The following RBBP9 variants were observed in gnomAD, a reference collection of about 807,000 sequenced individuals.
RBBP9 encodes serine hydrolase RBBP9.
A neutral mutation model predicts 24.2 loss-of-function variants in RBBP9; 20 were observed. That is an observed-to-expected ratio of 0.83 (90% CI 0.58 to 1.20). The LOEUF (loss-of-function observed/expected upper bound fraction) is 1.20, where lower values mean the gene tolerates loss of function less well. Among genes scored for constraint, RBBP9 ranks in the 50% most tolerant of loss-of-function variants. RBBP9 has a pLI of 0.00. For synonymous variants in RBBP9, 74 were observed against 84.6 expected (o/e 0.87, Z 0.69); for missense variants, 234 against 233.6 (o/e 1.00, Z -0.01).
chr20:18,490,186 T>TA (rs1207280808), intron 4 of RBBP9, among the ~76,000 whole-genome samples, 196 bp from the exon 5 acceptor site: 2 of 152,214 alleles, frequency 1.3e-5, no homozygotes, highest in African/African-American at 4.8e-5. Context: ...ATGGTTCAAC[T>TA]AAAACCAGGC....
chr20:18,496,107 C>T (rs1269315203), intron 1 of RBBP9, among the ~76,000 whole-genome samples: 1 of 152,220 alleles, frequency 6.6e-6, no homozygotes, highest in Non-Finnish European at 1.5e-5. Flanking sequence ...TGCATTTGTA[C>T]ACCCATATTT....
At chr20:18,495,772 A>T in intron 2 of RBBP9, 66 bp downstream of exon 2, 1 of 1,459,756 alleles carries the variant, frequency 6.9e-7, no homozygotes. Context: ...CTTGTTCTCT[A>T]CCACAAAAAT....
Position 18,487,210 on chromosome 20 carries a change from A to G in RBBP9, c.*2554T>C, listed in dbSNP as rs543835168. 128 of 152,330 alleles carry G rather than the reference A, an allele frequency of 8.4e-4. No individual in the cohort carries two copies. Among genetic ancestry groups the G allele is most frequent in the African/African-American group, 2.9e-3 (122 of 41,568 alleles). 9.4% of individuals were successfully genotyped at this position (152,330 alleles called of 1,614,324 possible). On this transcript the variant is annotated 3_prime_UTR_variant, in exon 5 of 5. Coordinates refer to ENST00000337227, the MANE Select transcript of RBBP9 (RefSeq NM_006606.3). ...CTAGTTTGACTGAACTGAATTTTCA[A>G]TTTTACAGCTAGCTGTGGTTACTGG...
rs13037472 is a variant in RBBP9 at position 18,488,296 on chromosome 20, C to A, written c.*1468G>T. ...AATTTTTTTTTTTAAGAGACAGGTTCTTCGCTCCATCACCCAGGATGGAGT... is the reference window on the plus strand; with the variant it reads ...AATTTTTTTTTTTAAGAGACAGGTTATTCGCTCCATCACCCAGGATGGAGT... On this transcript the variant is annotated 3_prime_UTR_variant, in exon 5 of 5. Coordinates refer to ENST00000337227, the MANE Select transcript of RBBP9 (RefSeq NM_006606.3). 6.6e-6 allele frequency: 1 copy of A among 151,520 alleles called. No individual in the cohort carries two copies. The highest frequency in any genetic ancestry group is 1.9e-4 in the East Asian group (1 of 5,174). The allele number at this position is 151,520 out of a possible 1,614,324, so 9.4% of individuals were successfully genotyped here.
At position 18,495,806 on chromosome 20, in the gene RBBP9, T is replaced by TTAAAACAA. The variant is rs760690479; in HGVS notation, c.142+31_142+32insTTGTTTTA. ...ATGGTAATATCAAAACCCAACAAGA[T>TTAAAACAA]GAGGCTATTTAAAAACAAGTTTAAA... On this transcript the variant is annotated intron_variant, in intron 2 of 4. Coordinates refer to ENST00000337227, the MANE Select transcript of RBBP9 (RefSeq NM_006606.3). 5.4e-5 allele frequency: 82 copies of TTAAAACAA among 1,529,762 alleles called. No individual in the cohort carries two copies. The East Asian group carries it at 1.5e-3, about 28-fold the overall frequency. The allele number at this position is 1,529,762 out of a possible 1,614,324, so 94.8% of individuals were successfully genotyped here.
chr20:18,489,712 A>G lies in RBBP9; in HGVS notation c.*52T>C, dbSNP rs1203586491. 1.6e-6 allele frequency: 2 copies of G among 1,216,696 alleles called. No homozygotes were observed. Among genetic ancestry groups the G allele is most frequent in the African/African-American group, 3.0e-5 (2 of 67,080 alleles). 75.4% of individuals were successfully genotyped at this position (1,216,696 alleles called of 1,614,324 possible). ...ATGTGTCTAGTAATCAGCTGATAGT[A>G]GATATTATTCTACTCCTATATTGGG... On this transcript the variant is annotated 3_prime_UTR_variant, in exon 5 of 5. Coordinates refer to ENST00000337227, the MANE Select transcript of RBBP9 (RefSeq NM_006606.3).
Position 18,495,869 on chromosome 20 carries a change from G to A in RBBP9, c.111C>T (p.Phe37=). Residue 37 remains phenylalanine (F), a synonymous_variant, in exon 2 of 5, where the codon TTC becomes TTT. Coordinates refer to ENST00000337227, the MANE Select transcript of RBBP9 (RefSeq NM_006606.3). ...CGGGCATGTTTTTAGCCAAACACTG[G>A]AAACCAGGTATCTATGATATGAGGG... ...VKKELEKIPG[F]QCLAKNMPDP... The A allele has an allele frequency of 6.4e-7, 1 of 1,561,896 alleles. No homozygotes were observed. Among genetic ancestry groups the A allele is most frequent in the Non-Finnish European group, 8.8e-7 (1 of 1,139,332 alleles).
intron 1 of RBBP9, among the ~76,000 whole-genome samples, chr20:18,496,814 G>GCT (rs2059888322): frequency 6.6e-6 from 1 of 152,136 alleles, no homozygotes; most frequent in Admixed American, 6.5e-5. Flanking sequence ...GGGCTCAGGG[G>GCT]CTCAGCCTCG....
chr20:18,491,795 G>A lies in RBBP9; in HGVS notation c.249-1315C>T, dbSNP rs553834618. On this transcript the variant is annotated intron_variant, in intron 3 of 4. Transcript: ENST00000337227. ...TGAAAAATATCAAACCTACAGAAAC[G>A]TTGAAAGAACAAGCACCTAGGCCGG... is the stretch of plus-strand genomic sequence containing the variant. Among the ~76,000 whole-genome samples the A allele has an allele frequency of 4.6e-5, 7 of 152,098 alleles. No homozygotes were observed. The South Asian group carries it at 6.3e-4, about 14-fold the overall frequency.
In RBBP9 at chr20:18,487,362, G is replaced by A. The variant is rs1034621243; in HGVS notation, c.*2402C>T. On this transcript the variant is annotated 3_prime_UTR_variant, in exon 5 of 5. Coordinates refer to ENST00000337227, the MANE Select transcript of RBBP9 (RefSeq NM_006606.3). ...AGTTTTCATTTCTACAGAGAAAGAG[G>A]TCAACAAAGTTTTGTGAACTAAATT... 3.9e-5 allele frequency: 6 copies of A among 152,108 alleles called. No homozygotes were observed. The highest frequency in any genetic ancestry group is 1.4e-4 in the African/African-American group (6 of 41,410). 9.4% of individuals were successfully genotyped at this position (152,108 alleles called of 1,614,324 possible).
In RBBP9 at chr20:18,494,054, C is replaced by T. The variant is rs748471993; in HGVS notation, c.152G>A (p.Arg51Gln). ...CATGAAGGGCAGCCAGATGCTCTCT[C>T]GTGCTGTAACTTAAGGTTCAGGGTA... is the stretch of plus-strand genomic sequence containing the variant. ...AKNMPDPITA[R>Q]ESIWLPFMET... The change falls in exon 3 of 5, where the codon CGA becomes CAA. Residue 51 changes from arginine (R) to glutamine (Q), a missense_variant. Arg to Gln is a conservative substitution (Grantham distance 43, BLOSUM62 1). Coordinates refer to ENST00000337227, the MANE Select transcript of RBBP9 (RefSeq NM_006606.3). 61 of 1,613,222 alleles carry T rather than the reference C, an allele frequency of 3.8e-5. No homozygotes were observed. The highest frequency in any genetic ancestry group is 4.9e-5 in the Non-Finnish European group (58 of 1,179,652).
At chr20:18,491,682 T>C (rs779383070) in intron 3 of RBBP9, among the ~76,000 whole-genome samples, 1 of 152,064 alleles carries the variant, frequency 6.6e-6, no homozygotes, top group Non-Finnish European at 1.5e-5. Context: ...AGACACATAG[T>C]AGTAATAATT....
intron 3 of RBBP9, among the ~76,000 whole-genome samples, chr20:18,491,606 T>C (rs2059865777): frequency 2.0e-5 from 3 of 152,036 alleles, no homozygotes. Context: ...GAGTCTCCTT[T>C]ATTGGCAAAA....
intron 3 of RBBP9, among the ~76,000 whole-genome samples, chr20:18,491,327 T>A (rs2059864695): frequency 6.6e-6 from 1 of 152,236 alleles, no homozygotes; most frequent in Non-Finnish European, 1.5e-5. Flanking sequence ...CTCAATAAAT[T>A]GTCAGCTCCT....
At position 18,487,218 on chromosome 20, in the gene RBBP9, G is replaced by A. The variant is rs2148872042; in HGVS notation, c.*2546C>T. 6.6e-6 allele frequency: 1 copy of A among 152,278 alleles called. No homozygotes were observed. The highest frequency in any genetic ancestry group is 2.1e-4 in the South Asian group (1 of 4,832). 9.4% of individuals were successfully genotyped at this position (152,278 alleles called of 1,614,324 possible). A position where few individuals can be genotyped will look rare whatever the true frequency, so the allele number is the denominator to read the frequency against. On this transcript the variant is annotated 3_prime_UTR_variant, in exon 5 of 5. Transcript: ENST00000337227. ...ACTGAACTGAATTTTCAATTTTACAGCTAGCTGTGGTTACTGGTTACTATA... is the reference window on the plus strand; with the variant it reads ...ACTGAACTGAATTTTCAATTTTACAACTAGCTGTGGTTACTGGTTACTATA...
chr20:18,494,672 C>T (rs1197839986), intron 2 of RBBP9, among the ~76,000 whole-genome samples: 1 of 151,782 alleles, frequency 6.6e-6, no homozygotes, highest in Non-Finnish European at 1.5e-5. Flanking sequence ...CAGAGCGAGA[C>T]TCCATCTCAA....
At position 18,490,463 on chromosome 20, in the gene RBBP9, C is replaced by T. The variant is rs192424321; in HGVS notation, c.266G>A (p.Arg89Gln). 118 of 1,612,804 alleles carry T rather than the reference C, an allele frequency of 7.3e-5. No homozygotes were observed. The East Asian group carries it at 1.4e-3, about 19-fold the overall frequency. The change falls in exon 4 of 5, where the codon CGA becomes CAA. Residue 89 changes from arginine to glutamine, a missense_variant. Physicochemically the swap from Arg to Gln is conservative, Grantham distance 43. Transcript: ENST00000337227. ...IAAMRYAETH[R>Q]VYAIVLVSAY... ...AGACACTAATACAATAGCATATACTCGATGTGTTTCTGCATACCTGGAGAA... is the reference window on the plus strand; with the variant it reads ...AGACACTAATACAATAGCATATACTTGATGTGTTTCTGCATACCTGGAGAA...
chr20:18,494,341 A>T (rs1472187899), intron 2 of RBBP9, among the ~76,000 whole-genome samples: 2 of 149,964 alleles, frequency 1.3e-5, no homozygotes, highest in East Asian at 3.9e-4. Context: ...AGGAAATAAT[A>T]AAATATAACT....
rs2059854658 is a variant in RBBP9, at chr20:18,489,066, C to T, written c.*698G>A. ...ATCAGAAAATTGGCAACACTCTGCC[C>T]CATTTCCACATGGCAACAATTTAGA... On this transcript the variant is annotated 3_prime_UTR_variant, in exon 5 of 5. Transcript: ENST00000337227. The T allele has an allele frequency of 6.6e-6, 1 of 152,020 alleles. No individual in the cohort carries two copies. The highest frequency in any genetic ancestry group is 1.5e-5 in the Non-Finnish European group (1 of 68,016). The allele number at this position is 152,020 out of a possible 1,614,324, so 9.4% of individuals were successfully genotyped here. A position where few individuals can be genotyped will look rare whatever the true frequency, so the allele number is the denominator to read the frequency against.
Sources: gnomAD v4.1 joint callset for allele counts (sites outside exome capture counted in the v4.1 genomes callset) on GRCh38, gnomAD v4.1.1 for gene constraint, MANE v1.5 for transcripts, NCBI Gene and HGNC (gene_info 2026-07-23, HGNC 2026-07-21) for gene names.